The following ZNF577 variants were observed in gnomAD, a reference collection of about 807,000 sequenced individuals.
The protein encoded by ZNF577 is zinc finger protein 577.
In ZNF577, 14 loss-of-function variants were observed where a neutral mutation model predicts 13.9. The observed-to-expected ratio is 1.00, with a 90% CI of 0.66 to 1.57. The LOEUF is 1.57. ZNF577 is among the 40% of genes most tolerant of loss of function. The pLI, the probability that ZNF577 is intolerant of heterozygous loss-of-function variation, is 0.00. For synonymous variants in ZNF577, 203 were observed against 202.9 expected, an observed-to-expected ratio of 1.00 and a Z score of 0.00; for missense variants, 555 against 579.2, an observed-to-expected ratio of 0.96 and a Z score of 0.43.
At chr19:51,874,261 A>G (rs144418764) in intron 5 of ZNF577, among the ~76,000 whole-genome samples, 1 of 152,326 alleles carries the variant, frequency 6.6e-6, no homozygotes, top group African/African-American at 2.4e-5. Flanking sequence ...ACAGTGACTA[A>G]TCATTATTCT....
At chr19:51,839,906 T>A (rs181499692) in exon 9 of ZNF577, 1 of 151,968 alleles carries the variant, frequency 6.6e-6, no homozygotes, top group East Asian at 1.9e-4. Flanking sequence ...ACAGCTGGAG[T>A]CGCACAAACA....
chr19:51,856,593 T>C (rs932893601), intron 5 of ZNF577, among the ~76,000 whole-genome samples: 17 of 152,234 alleles, frequency 1.1e-4, no homozygotes, highest in African/African-American at 4.1e-4. Context: ...TGTATGTCTG[T>C]CATATTCTAG....
At position 51,873,004 on chromosome 19, in the gene ZNF577, C is replaced by T; in HGVS notation, c.986G>A (p.Ser329Asn). ...IHTGEKPYECSECEKAFRSKS... is the reference protein window; with the variant it reads ...IHTGEKPYECNECEKAFRSKS... ...GCTTCTAAAGGCTTTTTCACACTCACTACATTCATAAGGTTTCTCTCCCGT... is the reference window on the plus strand; with the variant it reads ...GCTTCTAAAGGCTTTTTCACACTCATTACATTCATAAGGTTTCTCTCCCGT... The change falls in exon 6 of 6, where the codon AGT (serine) becomes AAT (asparagine). Residue 329 changes from serine (S) to asparagine (N), a missense_variant. By Grantham distance (46) the Ser-to-Asn change is conservative. Transcript: ENST00000638348. 1.2e-6 allele frequency: 2 copies of T among 1,614,196 alleles called. No individual in the cohort carries two copies.
exon 11 of ZNF577, chr19:51,805,098 G>C (rs1054671598): frequency 4.6e-5 from 7 of 152,350 alleles, no homozygotes; most frequent in African/African-American, 1.7e-4. Context: ...ACAGTTTGCT[G>C]TTTGATCATA....
intron 5 of ZNF577, among the ~76,000 whole-genome samples, chr19:51,876,505 G>A (rs1018497921): frequency 1.3e-5 from 2 of 151,746 alleles, no homozygotes; most frequent in African/African-American, 4.8e-5. Flanking sequence ...TGAGTAAGTC[G>A]ACAGAGATGC....
At chr19:51,884,617 A>G (rs1012413328) in intron 1 of ZNF577, among the ~76,000 whole-genome samples, 35 of 152,120 alleles carry the variant, frequency 2.3e-4, no homozygotes, top group African/African-American at 8.5e-4. Flanking sequence ...ATATAAAACC[A>G]GCATTTCCAA....
intron 9 of ZNF577, among the ~76,000 whole-genome samples, chr19:51,814,094 T>G (rs965004313): frequency 1.3e-5 from 2 of 152,238 alleles, no homozygotes; most frequent in Admixed American, 6.5e-5. Context: ...CCTTCTTGGT[T>G]TATGTGCTTC....
chr19:51,830,370 C>G (rs747001343), intron 9 of ZNF577, among the ~76,000 whole-genome samples: 5 of 152,318 alleles, frequency 3.3e-5, no homozygotes, highest in African/African-American at 4.8e-5. Context: ...CTCTCCTTGA[C>G]AGCAAACTCA....
At chr19:51,857,564 G>T (rs1459055818) in intron 5 of ZNF577, among the ~76,000 whole-genome samples, 2 of 152,110 alleles carry the variant, frequency 1.3e-5, no homozygotes, top group African/African-American at 4.8e-5. Flanking sequence ...ACATGTTTAA[G>T]AACAAAGATT....
Position 51,872,601 on chromosome 19 carries a change from T to C in ZNF577, c.1389A>G (p.Thr463=), listed in dbSNP as rs767528589. Reference sequence around the variant, plus strand: ...CTGATGGGGCCACATTCACTTCATTTGTGAGGCTTATTCTCTGTTCAAATT... The same window carrying C: ...CTGATGGGGCCACATTCACTTCATTCGTGAGGCTTATTCTCTGTTCAAATT... ...NQEFEQRISL[T]NEVNVAPSVI... The change falls in exon 6 of 6, where the codon ACA becomes ACG. Residue 463 remains threonine, a synonymous_variant. Transcript: ENST00000638348. 2.9e-5 allele frequency: 47 copies of C among 1,613,772 alleles called. No homozygotes were observed. Among genetic ancestry groups the C allele is most frequent in the Non-Finnish European group, 2.7e-5 (32 of 1,179,920 alleles).
intron 5 of ZNF577, among the ~76,000 whole-genome samples, chr19:51,846,331 T>C (rs1232984690): frequency 6.6e-6 from 1 of 152,198 alleles, no homozygotes; most frequent in African/African-American, 2.4e-5. Context: ...TTAATACGTA[T>C]TTGCAGATGA....
intron 5 of ZNF577, among the ~76,000 whole-genome samples, chr19:51,849,519 T>C (rs2084369756): frequency 1.3e-5 from 2 of 152,152 alleles, no homozygotes; most frequent in South Asian, 4.1e-4. Flanking sequence ...CAGCAAGAAA[T>C]CTTCACCAGA....
chr19:51,867,008 A>G (rs1186567445), downstream of ZNF577, among the ~76,000 whole-genome samples: 1 of 152,232 alleles, frequency 6.6e-6, no homozygotes, highest in Admixed American at 6.5e-5. Context: ...GAAGAAGGAA[A>G]GAAAGAAGAA....
downstream of ZNF577, chr19:51,862,173 T>C (rs1373605737): frequency 1.3e-5 from 2 of 152,562 alleles, no homozygotes; most frequent in African/African-American, 4.8e-5. Flanking sequence ...TTCTCTGATA[T>C]ACAATGAGAT....
intron 3 of ZNF577, 64 bp from the exon 4 acceptor site, chr19:51,878,579 G>C (rs1463748433): frequency 1.3e-6 from 2 of 1,588,772 alleles, no homozygotes; most frequent in East Asian, 4.5e-5. Context: ...GAAGAGGGAC[G>C]GGGACATGTC....
At chr19:51,864,577 G>C (rs2084539111), downstream of ZNF577, among the ~76,000 whole-genome samples, 1 of 152,112 alleles carries the variant, frequency 6.6e-6, no homozygotes, top group Non-Finnish European at 1.5e-5. Flanking sequence ...GAAAGGAGTA[G>C]AGGACCTCGA....
At chr19:51,832,823 G>T (rs551443652) in intron 9 of ZNF577, among the ~76,000 whole-genome samples, 1 of 122,560 alleles carries the variant, frequency 8.2e-6, no homozygotes, top group Admixed American at 8.3e-5. Context: ...AATTTTTTAC[G>T]TATGTCAAAA....
At chr19:51,805,074 T>C (rs1195040094) in exon 11 of ZNF577, 1 of 152,242 alleles carries the variant, frequency 6.6e-6, no homozygotes, top group Non-Finnish European at 1.5e-5. Context: ...GCTCACATCC[T>C]GTATTCATGA....
At chr19:51,878,231 T>C (rs2084797634) in intron 4 of ZNF577, 158 bp downstream of exon 4, 1 of 747,632 alleles carries the variant, frequency 1.3e-6, no homozygotes, top group Non-Finnish European at 2.0e-6. Context: ...ACTGCACGCT[T>C]ATGGTTAAGA....
Sources: gnomAD v4.1 joint callset for allele counts (sites outside exome capture counted in the v4.1 genomes callset) on GRCh38, gnomAD v4.1.1 for gene constraint, MANE v1.5 for transcripts, NCBI Gene and HGNC (gene_info 2026-07-23, HGNC 2026-07-21) for gene names.